LHFPL3: variants seen among roughly 807,000 people sequenced by gnomAD.
LHFPL3 encodes LHFPL tetraspan subfamily member 3, also known as LHFPL tetraspan subfamily member 3 protein.
Under a neutral mutation model 19.3 loss-of-function variants are expected in LHFPL3, and 5 were observed. The observed-to-expected ratio is 0.26, with a 90% CI of 0.14 to 0.54. LHFPL3 has a LOEUF of 0.54. Ranked by LOEUF, LHFPL3 falls within the 20% of genes least tolerant of loss-of-function variation. The pLI is 0.94. For synonymous variants in LHFPL3, 133 were observed against 126.2 expected, an observed-to-expected ratio of 1.05 and a Z score of -0.36; for missense variants, 249 against 307.4, an observed-to-expected ratio of 0.81 and a Z score of 1.42.
At chr7:104,401,913 T>C (rs1283682083) in intron 1 of LHFPL3, among the ~76,000 whole-genome samples, 1 of 152,082 alleles carries the variant, frequency 6.6e-6, no homozygotes, top group Non-Finnish European at 1.5e-5. Context: ...AATGGAACAA[T>C]GGAAATAATT....
At chr7:104,745,837 T>G (rs530694735) in intron 2 of LHFPL3, among the ~76,000 whole-genome samples, 1 of 152,324 alleles carries the variant, frequency 6.6e-6, no homozygotes, top group South Asian at 2.1e-4. Flanking sequence ...AAATTTTGTC[T>G]TCTTGAAAAA....
At chr7:104,792,559 T>C (rs1005679209) in intron 2 of LHFPL3, among the ~76,000 whole-genome samples, 1 of 152,204 alleles carries the variant, frequency 6.6e-6, no homozygotes, top group African/African-American at 2.4e-5. Context: ...AGGCTGTATA[T>C]AATGTTTCCT....
chr7:104,731,936 G>T (rs551960478), intron 1 of LHFPL3, among the ~76,000 whole-genome samples: 4 of 152,260 alleles, frequency 2.6e-5, no homozygotes, highest in African/African-American at 7.2e-5. Context: ...AGCATGAAGG[G>T]CTGTTGAATT....
chr7:104,624,378 G>T (rs939949387), intron 1 of LHFPL3, among the ~76,000 whole-genome samples: 2 of 152,198 alleles, frequency 1.3e-5, no homozygotes, highest in African/African-American at 2.4e-5. Flanking sequence ...GAATCAGAAA[G>T]TTCCTCTAGA....
At chr7:104,617,886 C>T (rs1355912932) in intron 1 of LHFPL3, among the ~76,000 whole-genome samples, 1 of 152,126 alleles carries the variant, frequency 6.6e-6, no homozygotes, top group Non-Finnish European at 1.5e-5. Flanking sequence ...TTGTGGCTAC[C>T]AAGTAATAGA....
At chr7:104,600,943 T>TGG in intron 1 of LHFPL3, among the ~76,000 whole-genome samples, 1 of 152,218 alleles carries the variant, frequency 6.6e-6, no homozygotes, top group Non-Finnish European at 1.5e-5. Flanking sequence ...CTAAGCTCAC[T>TGG]GCAGTCTGTG....
chr7:104,869,805 G>A (rs998517753), intron 2 of LHFPL3, among the ~76,000 whole-genome samples: 87 of 152,188 alleles, frequency 5.7e-4, no homozygotes, highest in Non-Finnish European at 8.4e-4. Flanking sequence ...TGTTTATTGC[G>A]GCACTATTCA....
chr7:104,705,374 C>G (rs568108515), intron 1 of LHFPL3, among the ~76,000 whole-genome samples: 19 of 152,272 alleles, frequency 1.2e-4, no homozygotes, highest in Admixed American at 9.8e-4. Flanking sequence ...GTCTTCCAAA[C>G]CACTATGTCA....
At chr7:104,728,092 C>G (rs1793623689) in intron 1 of LHFPL3, among the ~76,000 whole-genome samples, 1 of 152,074 alleles carries the variant, frequency 6.6e-6, no homozygotes. Context: ...AGAGAAGAAT[C>G]AAATATGACC....
intron 1 of LHFPL3, among the ~76,000 whole-genome samples, chr7:104,669,852 G>T (rs535090085): frequency 1.6e-4 from 24 of 152,338 alleles, no homozygotes; most frequent in Admixed American, 3.3e-4. Context: ...AGTTGCCAGT[G>T]TGATTAGTGC....
chr7:104,510,663 C>T (rs1793791880), intron 1 of LHFPL3, among the ~76,000 whole-genome samples: 1 of 152,138 alleles, frequency 6.6e-6, no homozygotes, highest in African/African-American at 2.4e-5. Flanking sequence ...AAACACAGTG[C>T]ATAAAATGAA....
At chr7:104,710,608 C>T (rs1346463568) in intron 1 of LHFPL3, among the ~76,000 whole-genome samples, 1 of 152,130 alleles carries the variant, frequency 6.6e-6, no homozygotes, top group Non-Finnish European at 1.5e-5. Flanking sequence ...AGTTACCACC[C>T]GTGACATTTG....
At chr7:104,711,514 C>T (rs3934669) in intron 1 of LHFPL3, among the ~76,000 whole-genome samples, 47,671 of 152,050 alleles carry the variant, frequency 0.31, 8,281 homozygotes, top group East Asian at 0.65. Context: ...CAGTGGATTG[C>T]GTCCTGCAGT....
chr7:104,861,806 ATCT>A (rs974172394), intron 2 of LHFPL3, among the ~76,000 whole-genome samples: 2 of 151,108 alleles, frequency 1.3e-5, no homozygotes, highest in Non-Finnish European at 2.9e-5. Flanking sequence ...CTTTTAGAAG[ATCT>A]TCCCTAAAAA....
rs531351508 is a variant in LHFPL3 at position 104,860,822 on chromosome 7, G to A, written c.683-45365G>A. On this transcript the variant is annotated intron_variant, in intron 2 of 2. Coordinates refer to ENST00000424859, the MANE Select transcript of LHFPL3 (RefSeq NM_199000.3). ...TAGAAAAATTAAATAAAATATTTAA[G>A]CTTATATCTCCTGTCTCCAGAGTAG... Among the ~76,000 whole-genome samples the A allele has an allele frequency of 3.3e-5, 5 of 152,210 alleles. No homozygotes were observed. In the South Asian group the frequency reaches 1.0e-3, roughly 32 times the overall value.
At chr7:104,835,223 A>T (rs1791068041) in intron 2 of LHFPL3, among the ~76,000 whole-genome samples, 2 of 151,980 alleles carry the variant, frequency 1.3e-5, no homozygotes, top group Non-Finnish European at 2.9e-5. Flanking sequence ...AGACTAAATG[A>T]GTTAATTCTC....
At chr7:104,476,652 G>A (rs1793024791) in intron 1 of LHFPL3, among the ~76,000 whole-genome samples, 1 of 152,098 alleles carries the variant, frequency 6.6e-6, no homozygotes, top group South Asian at 2.1e-4. Flanking sequence ...TAGAGACGGT[G>A]TTTCTCCATG....
At chr7:104,388,819 A>G (rs1702369826) in intron 1 of LHFPL3, among the ~76,000 whole-genome samples, 1 of 99,846 alleles carries the variant, frequency 1.0e-5, no homozygotes. Context: ...ACAAAATATA[A>G]CCCCCTTTTA....
At chr7:104,654,072 TG>T (rs775330010) in intron 1 of LHFPL3, among the ~76,000 whole-genome samples, 4 of 152,200 alleles carry the variant, frequency 2.6e-5, no homozygotes, top group Non-Finnish European at 4.4e-5. Context: ...ATTCCTGACT[TG>T]CTTCCAAAGC....
Sources: allele counts gnomAD v4.1 joint callset (sites outside exome capture counted in the v4.1 genomes callset), GRCh38; gene constraint gnomAD v4.1.1; transcripts MANE v1.5; gene names NCBI Gene and HGNC (gene_info 2026-07-23, HGNC 2026-07-21).